Variants in BMPR1B observed in about 807,000 individuals in gnomAD.
The protein encoded by BMPR1B is bone morphogenetic protein receptor type-1B.
A neutral mutation model predicts 59.1 loss-of-function variants in BMPR1B; 12 were observed. The observed-to-expected ratio is 0.20, with a 90% CI of 0.13 to 0.33. The LOEUF (loss-of-function observed/expected upper bound fraction) is 0.33. BMPR1B is among the 10% of genes least tolerant of loss of function. The pLI, the probability that BMPR1B is intolerant of heterozygous loss-of-function variation, is 1.00. For synonymous variants in BMPR1B, 237 were observed against 207.3 expected (o/e 1.14, Z -1.23); for missense variants, 550 against 610.9 (o/e 0.90, Z 1.05).
intron 6 of BMPR1B, among the ~76,000 whole-genome samples, chr4:95,122,407 C>T (rs1029014139): frequency 2.0e-5 from 3 of 151,288 alleles, no homozygotes; most frequent in Non-Finnish European, 4.4e-5. Flanking sequence ...ATGTTCCCAA[C>T]ACAAAGAAAT....
chr4:94,831,093 CTA>C (rs1399239339), intron 1 of BMPR1B, among the ~76,000 whole-genome samples: 1 of 152,002 alleles, frequency 6.6e-6, no homozygotes, highest in Non-Finnish European at 1.5e-5. Flanking sequence ...GATGACAGCT[CTA>C]TGTGTGTTAT....
At chr4:94,815,389 T>C (rs1030255617) in intron 1 of BMPR1B, among the ~76,000 whole-genome samples, 4 of 152,234 alleles carry the variant, frequency 2.6e-5, no homozygotes, top group African/African-American at 4.8e-5. Flanking sequence ...TTATGAATTA[T>C]GTATTTTCCA....
chr4:95,015,806 C>T (rs1034998574), intron 3 of BMPR1B, among the ~76,000 whole-genome samples: 1 of 152,002 alleles, frequency 6.6e-6, no homozygotes, highest in Admixed American at 6.6e-5. Flanking sequence ...GATTCTCCTG[C>T]CTCAGCCTCC....
chr4:95,034,725 C>A (rs1725109652), intron 3 of BMPR1B, among the ~76,000 whole-genome samples: 1 of 151,722 alleles, frequency 6.6e-6, no homozygotes, highest in Admixed American at 6.6e-5. Context: ...GTGAATTGTG[C>A]TGCTATAAAC....
chr4:95,095,834 CTA>C (rs1055906236), intron 3 of BMPR1B, among the ~76,000 whole-genome samples: 4 of 151,788 alleles, frequency 2.6e-5, no homozygotes, highest in Non-Finnish European at 5.9e-5. Context: ...ACCCTTTTGA[CTA>C]TGACATAAAA....
intron 1 of BMPR1B, among the ~76,000 whole-genome samples, chr4:94,856,141 C>T (rs895032048): frequency 1.3e-5 from 2 of 152,116 alleles, no homozygotes; most frequent in Non-Finnish European, 2.9e-5. Flanking sequence ...AAAAAGAAAA[C>T]CCAGCTATCC....
chr4:95,090,350 T>C (rs1729890986), intron 3 of BMPR1B, among the ~76,000 whole-genome samples: 1 of 151,994 alleles, frequency 6.6e-6, no homozygotes, highest in South Asian at 2.1e-4. Flanking sequence ...ATTTCAGCTC[T>C]TTTTGTAAAG....
chr4:94,972,057 A>G (rs1730811010), intron 2 of BMPR1B, among the ~76,000 whole-genome samples: 2 of 151,634 alleles, frequency 1.3e-5, no homozygotes, highest in South Asian at 4.2e-4. Context: ...AATTATTCAA[A>G]CTTAATAGTA....
At chr4:94,857,833 G>A (rs1725820825) in intron 1 of BMPR1B, among the ~76,000 whole-genome samples, 1 of 152,124 alleles carries the variant, frequency 6.6e-6, no homozygotes, top group East Asian at 1.9e-4. Flanking sequence ...CTCCCAGAAT[G>A]TTCTTTAAAT....
chr4:95,029,746 TC>T (rs1280307256), intron 3 of BMPR1B, among the ~76,000 whole-genome samples: 1 of 152,138 alleles, frequency 6.6e-6, no homozygotes, highest in African/African-American at 2.4e-5. Flanking sequence ...GTAAAAGTGT[TC>T]CTATTTCTCC....
chr4:94,820,941 G>A (rs907557206), intron 1 of BMPR1B, among the ~76,000 whole-genome samples: 1 of 152,172 alleles, frequency 6.6e-6, no homozygotes, highest in Admixed American at 6.5e-5. Flanking sequence ...GATCATTAGA[G>A]TGCATAGTGT....
chr4:95,128,069 A>G (rs1299420159), intron 8 of BMPR1B, among the ~76,000 whole-genome samples: 3 of 151,960 alleles, frequency 2.0e-5, no homozygotes, highest in African/African-American at 7.2e-5. Context: ...TATTATTTGT[A>G]GAGCTGAGTT....
chr4:94,788,370 G>C (rs992404691), intron 1 of BMPR1B, among the ~76,000 whole-genome samples: 7 of 152,106 alleles, frequency 4.6e-5, no homozygotes, highest in Admixed American at 3.9e-4. Flanking sequence ...TGGCCCAGGG[G>C]ATTCCCTGGG....
At chr4:94,772,248 C>T (rs987196817) in intron 1 of BMPR1B, among the ~76,000 whole-genome samples, 5 of 152,200 alleles carry the variant, frequency 3.3e-5, no homozygotes, top group Non-Finnish European at 7.3e-5. Flanking sequence ...TATCTTCACA[C>T]ACTTTTTCCA....
At chr4:94,776,814 GA>G (rs992340026) in intron 1 of BMPR1B, among the ~76,000 whole-genome samples, 1 of 152,016 alleles carries the variant, frequency 6.6e-6, no homozygotes, top group African/African-American at 2.4e-5. Context: ...TAAAATACAG[GA>G]AAAGGCCAGA....
chr4:94,926,361 G>A (rs1578810174), intron 2 of BMPR1B, among the ~76,000 whole-genome samples: 1 of 152,078 alleles, frequency 6.6e-6, no homozygotes, highest in African/African-American at 2.4e-5. Context: ...TTAGGCCTTA[G>A]ATGGCTCTAA....
At chr4:94,930,498 TG>T (rs1396776120) in intron 2 of BMPR1B, among the ~76,000 whole-genome samples, 1 of 152,132 alleles carries the variant, frequency 6.6e-6, no homozygotes, top group Non-Finnish European at 1.5e-5. Flanking sequence ...TTAGAATTTA[TG>T]GGTAGGAACT....
chr4:95,089,017 A>G (rs1729791834), intron 3 of BMPR1B, among the ~76,000 whole-genome samples: 1 of 152,124 alleles, frequency 6.6e-6, no homozygotes, highest in Non-Finnish European at 1.5e-5. Flanking sequence ...AATGTGGAAA[A>G]TTTTGACTGA....
At chr4:94,837,076 C>T (rs560220514) in intron 1 of BMPR1B, among the ~76,000 whole-genome samples, 3,647 of 142,718 alleles carry the variant, frequency 0.026, 188 homozygotes, top group African/African-American at 0.072. Flanking sequence ...TGTAGATATG[C>T]GGCGTTATTT....
Sources: allele counts gnomAD v4.1 joint callset (sites outside exome capture counted in the v4.1 genomes callset), GRCh38; gene constraint gnomAD v4.1.1; transcripts MANE v1.5; gene names NCBI Gene and HGNC (gene_info 2026-07-23, HGNC 2026-07-21).